CMTM5: variants seen among roughly 807,000 people sequenced by gnomAD.
CMTM5 encodes the protein CKLF-like MARVEL transmembrane domain-containing protein 5.
A neutral mutation model predicts 26.9 loss-of-function variants in CMTM5; 25 were observed. The ratio of observed to expected loss-of-function variants is 0.93; its 90% CI spans 0.68 to 1.30. The LOEUF is 1.30. Ranked by LOEUF, CMTM5 falls within the 50% of genes most tolerant of loss-of-function variation. The pLI is 0.00. For missense variants in CMTM5, 292 were observed against 289.6 expected (o/e 1.01, Z -0.06); for synonymous variants, 98 against 115.5 (o/e 0.85, Z 0.97).
Position 23,377,270 on chromosome 14 carries a change from C to A in CMTM5, c.19C>A (p.Arg7Ser). The part of the protein sequence containing the change: MLSARD[R>S]RDRHPEEGVV... The stretch of plus-strand genomic sequence containing the variant: ...TACGAAGATGCTCAGTGCTCGAGAT[C>A]GCCGGGACCGGCACCCTGAGGAGGG... The change falls in exon 1 of 6, where the codon CGC becomes AGC. Residue 7 changes from arginine to serine, a missense_variant. By Grantham distance (110) the Arg-to-Ser change is moderately radical (BLOSUM62 -1). Coordinates refer to ENST00000339180, the MANE Select transcript of CMTM5 (RefSeq NM_001288746.2). This position sits in a 1 kb window ranked among gnomAD's most constrained non-coding sequence, Gnocchi z 4.6. The A allele has an allele frequency of 6.2e-7, 1 of 1,612,288 alleles. No individual in the cohort carries two copies. Among genetic ancestry groups the A allele is most frequent in the Non-Finnish European group, 8.5e-7 (1 of 1,179,300 alleles).
At chr14:23,376,910 T>G (rs1214044202), upstream of CMTM5, 1 of 283,618 alleles carries the variant, frequency 3.5e-6, no homozygotes. Flanking sequence ...CAGTTTCTTT[T>G]CGGACCTCCT....
In CMTM5 at chr14:23,379,555, T is replaced by G. The variant is rs1435309165; in HGVS notation, c.*68T>G. ...ACAGTGGAGCCCAGACACGTCTCCT[T>G]GGGATTCACTAGCCCCCAGCCCGCC... On this transcript the variant is annotated 3_prime_UTR_variant, in exon 6 of 6. Coordinates refer to ENST00000339180, the MANE Select transcript of CMTM5 (RefSeq NM_001288746.2). The G allele has an allele frequency of 4.4e-6, 7 of 1,606,630 alleles. No individual in the cohort carries two copies. Among genetic ancestry groups the G allele is most frequent in the East Asian group, 2.2e-5 (1 of 44,826 alleles).
rs1595040119 is a variant in CMTM5, at chr14:23,377,690, C to T, written c.126+313C>T. The T allele has an allele frequency of 3.3e-6, 1 of 301,380 alleles. No homozygotes were observed. The highest frequency in any genetic ancestry group is 8.9e-4 in the Middle Eastern group (1 of 1,126). 18.7% of individuals were successfully genotyped at this position (301,380 alleles called of 1,614,324 possible). A position where few individuals can be genotyped will look rare whatever the true frequency, so the allele number is the denominator to read the frequency against. On this transcript the variant is annotated intron_variant, in intron 1 of 5. Coordinates refer to ENST00000339180, the MANE Select transcript of CMTM5 (RefSeq NM_001288746.2). The surrounding 1 kb of genome is among the most constrained non-coding windows in gnomAD (Gnocchi z 4.6). Reference sequence around the variant, plus strand: ...ATGACAGCCTCTAACATGGCCACTTCTCAGCACGTCCAAGAAGTCTAACTA... The same window carrying T: ...ATGACAGCCTCTAACATGGCCACTTTTCAGCACGTCCAAGAAGTCTAACTA...
rs551079196 is a variant in CMTM5, at chr14:23,377,283, AC to A, written c.35del (p.Pro12LeufsTer5). Reference protein sequence around the residue: MLSARDRRDRHPEEGVVAELQ... With the variant: MLSARDRRDRXPEEGVVAELQ... ...AGTGCTCGAGATCGCCGGGACCGGC[AC>A]CCTGAGGAGGGGGTAGTTGCAGAGC... On this transcript the variant is annotated frameshift_variant, in exon 1 of 6. Transcript: ENST00000339180. LOFTEE classifies it high-confidence loss of function. The surrounding 1 kb of genome is among the most constrained non-coding windows in gnomAD (Gnocchi z 4.6). The A allele has an allele frequency of 3.1e-6, 5 of 1,612,366 alleles. No individual in the cohort carries two copies. Among genetic ancestry groups the A allele is most frequent in the Non-Finnish European group, 4.2e-6 (5 of 1,179,296 alleles).
Position 23,378,820 on chromosome 14 carries a change from T to C in CMTM5, c.431T>C (p.Phe144Ser). The change falls in exon 3 of 6, where the codon TTC becomes TCC. Residue 144 changes from phenylalanine to serine, a missense_variant. Physicochemically the swap from Phe to Ser is radical, Grantham distance 155. Transcript: ENST00000339180. This position sits in a 1 kb window ranked among gnomAD's most constrained non-coding sequence, Gnocchi z 4.2. ...VPWVPAPAPG[F>S]WSWLLWFICF... is the part of the protein sequence containing the mutation. ...TGGGTTCCAGCCCCAGCGCCTGGCT[T>C]CTGGTCCTGGTTGCTCTGGTTCATC... The C allele has an allele frequency of 6.2e-7, 1 of 1,612,788 alleles. No homozygotes were observed. The highest frequency in any genetic ancestry group is 8.5e-7 in the Non-Finnish European group (1 of 1,179,828).
Position 23,379,664 on chromosome 14 carries a change from G to A in CMTM5, c.*177G>A, listed in dbSNP as rs1436381517. The A allele has an allele frequency of 2.8e-6, 4 of 1,451,636 alleles. No homozygotes were observed. The highest frequency in any genetic ancestry group is 2.8e-5 in the African/African-American group (2 of 70,824). The allele number at this position is 1,451,636 out of a possible 1,614,324, so 89.9% of individuals were successfully genotyped here. A position where few individuals can be genotyped will look rare whatever the true frequency, so the allele number is the denominator to read the frequency against. ...GTGGAGCCTGGTGCTCCAGGATGTG[G>A]CTTCTCATGAAGCTCTGGCCAGAGG... On this transcript the variant is annotated 3_prime_UTR_variant, in exon 6 of 6. Coordinates refer to ENST00000339180, the MANE Select transcript of CMTM5 (RefSeq NM_001288746.2).
rs1380351085 is a variant in CMTM5, at chr14:23,377,515, C to A, written c.126+138C>A. 4 of 927,352 alleles carry A rather than the reference C, an allele frequency of 4.3e-6. No individual in the cohort carries two copies. The African/African-American group carries it at 5.1e-5, about 12-fold the overall frequency. 57.4% of individuals were successfully genotyped at this position (927,352 alleles called of 1,614,324 possible). ...GACACCTCTCCTGCCCGCAGCTGCC[C>A]CTTCTTCGTCTCCTACTCTGCCTTC... is the stretch of plus-strand genomic sequence containing the variant. On this transcript the variant is annotated intron_variant, in intron 1 of 5. Transcript: ENST00000339180. This position sits in a 1 kb window ranked among gnomAD's most constrained non-coding sequence, Gnocchi z 4.6.
chr14:23,377,399 G>C lies in CMTM5; in HGVS notation c.126+22G>C. 1.9e-6 allele frequency: 3 copies of C among 1,546,816 alleles called. No homozygotes were observed. Among genetic ancestry groups the C allele is most frequent in the Non-Finnish European group, 2.6e-6 (3 of 1,145,254 alleles). On this transcript the variant is annotated intron_variant, in intron 1 of 5. Transcript: ENST00000339180. The surrounding 1 kb of genome is among the most constrained non-coding windows in gnomAD (Gnocchi z 4.6). Reference sequence around the variant, plus strand: ...GCTGGTAACAGCTGCCTCCCAACCTGGTGCCTCCATCTCCCTGACCCCCGG... The same window carrying C: ...GCTGGTAACAGCTGCCTCCCAACCTCGTGCCTCCATCTCCCTGACCCCCGG...
At position 23,378,131 on chromosome 14, in the gene CMTM5, T is replaced by A. The variant is rs947944755; in HGVS notation, c.127-218T>A. ...TGGCCAGACTGCTGGGGTTGCTGGG[T>A]GAGCAGAGTGGGAGGCCGGAGACTG... On this transcript the variant is annotated intron_variant, in intron 1 of 5. Transcript: ENST00000339180. The surrounding 1 kb of genome is among the most constrained non-coding windows in gnomAD (Gnocchi z 4.2). 1 of 594,826 alleles carries A rather than the reference T, an allele frequency of 1.7e-6. No homozygotes were observed. The highest frequency in any genetic ancestry group is 3.0e-6 in the Non-Finnish European group (1 of 337,124). 36.8% of individuals were successfully genotyped at this position (594,826 alleles called of 1,614,324 possible). A position where few individuals can be genotyped will look rare whatever the true frequency, so the allele number is the denominator to read the frequency against.
Position 23,377,255 on chromosome 14 carries a change from C to G in CMTM5, c.4C>G (p.Leu2Val), listed in dbSNP as rs1475452120. Residue 2 changes from leucine to valine, a missense_variant, in exon 1 of 6, where the codon CTC (leucine) becomes GTC (valine). Transcript: ENST00000339180. This position sits in a 1 kb window ranked among gnomAD's most constrained non-coding sequence, Gnocchi z 4.6. The stretch of plus-strand genomic sequence containing the variant: ...TGTGTTGGTGGGCCCTACGAAGATG[C>G]TCAGTGCTCGAGATCGCCGGGACCG... M[L>V]SARDRRDRHP... The G allele has an allele frequency of 6.2e-7, 1 of 1,612,028 alleles. No individual in the cohort carries two copies. Among genetic ancestry groups the G allele is most frequent in the Non-Finnish European group, 8.5e-7 (1 of 1,179,402 alleles).
In CMTM5 at chr14:23,378,444, C is replaced by G. The variant is rs61237612; in HGVS notation, c.222C>G (p.Leu74=). 3.4e-3 allele frequency: 5,516 copies of G among 1,614,154 alleles called. 192 individuals are homozygous for G. The African/African-American group carries it at 0.065, about 19-fold the overall frequency. Residue 74 remains leucine (L), a synonymous_variant, in exon 2 of 6, where the codon CTC becomes CTG. Transcript: ENST00000339180. This position sits in a 1 kb window ranked among gnomAD's most constrained non-coding sequence, Gnocchi z 4.2. ...AGTTCTTCATCACACTTGCCTTCCT[C>G]TTCCTCTATGCCACCCAGTACTACC... ...LLEFFITLAF[L]FLYATQYYQR...
rs367985105 is a variant in CMTM5, at chr14:23,379,482, C to A, written c.667C>A (p.Gln223Lys). The A allele has an allele frequency of 6.2e-7, 1 of 1,613,802 alleles. No individual in the cohort carries two copies. Among genetic ancestry groups the A allele is most frequent in the Non-Finnish European group, 8.5e-7 (1 of 1,180,036 alleles). Reference sequence around the variant, plus strand: ...TGGCTCTATCCTCACAGGGGACCAGCAGTGACTCTGGGGCTACCTGGCTCC... The same window carrying A: ...TGGCTCTATCCTCACAGGGGACCAGAAGTGACTCTGGGGCTACCTGGCTCC... ...MAPGASQGDQ[Q>K] is the part of the protein sequence containing the mutation. Residue 223 changes from glutamine (Q) to lysine (K), a missense_variant, in exon 6 of 6, where the codon CAG becomes AAG. Gln to Lys is a moderately conservative substitution (Grantham distance 53). Transcript: ENST00000339180.
rs1890712585 is a variant in CMTM5, at chr14:23,378,826, C to A, written c.437C>A (p.Ser146Tyr). ...CCAGCCCCAGCGCCTGGCTTCTGGTCCTGGTTGCTCTGGTTCATCTGCTTC... is the reference window on the plus strand; with the variant it reads ...CCAGCCCCAGCGCCTGGCTTCTGGTACTGGTTGCTCTGGTTCATCTGCTTC... ...WVPAPAPGFW[S>Y]WLLWFICFHS... is the part of the protein sequence containing the mutation. Residue 146 changes from serine (S) to tyrosine (Y), a missense_variant, in exon 3 of 6, where the codon TCC becomes TAC. Coordinates refer to ENST00000339180, the MANE Select transcript of CMTM5 (RefSeq NM_001288746.2). This position sits in a 1 kb window ranked among gnomAD's most constrained non-coding sequence, Gnocchi z 4.2. The A allele has an allele frequency of 6.2e-7, 1 of 1,612,702 alleles. No homozygotes were observed. Among genetic ancestry groups the A allele is most frequent in the African/African-American group, 1.3e-5 (1 of 74,906 alleles).
At position 23,377,477 on chromosome 14, in the gene CMTM5, C is replaced by T; in HGVS notation, c.126+100C>T. The T allele has an allele frequency of 1.2e-5, 17 of 1,383,384 alleles. No individual in the cohort carries two copies. Among genetic ancestry groups the T allele is most frequent in the Non-Finnish European group, 1.6e-5 (17 of 1,043,582 alleles). The allele number at this position is 1,383,384 out of a possible 1,614,324, so 85.7% of individuals were successfully genotyped here. On this transcript the variant is annotated intron_variant, in intron 1 of 5. Coordinates refer to ENST00000339180, the MANE Select transcript of CMTM5 (RefSeq NM_001288746.2). The surrounding 1 kb of genome is among the most constrained non-coding windows in gnomAD (Gnocchi z 4.6). Reference sequence around the variant, plus strand: ...AGCTCACCCTTCAGTAGCCTCCTTCCCCAAGCCCTCTGGACACCTCTCCTG... The same window carrying T: ...AGCTCACCCTTCAGTAGCCTCCTTCTCCAAGCCCTCTGGACACCTCTCCTG...
At position 23,378,766 on chromosome 14, in the gene CMTM5, C is replaced by G. The variant is rs749612350; in HGVS notation, c.377C>G (p.Pro126Arg). 1.9e-6 allele frequency: 3 copies of G among 1,612,478 alleles called. No homozygotes were observed. Among genetic ancestry groups the G allele is most frequent in the Non-Finnish European group, 2.5e-6 (3 of 1,179,810 alleles). ...CAGCCCTGGCCTGGCTTGACCCCCC[C>G]GGGCTGGCATACTCCAGCCGCTGTC... ...QPQPWPGLTP[P>R]GWHTPAAVPW... Residue 126 changes from proline (P) to arginine (R), a missense_variant, in exon 3 of 6, where the codon CCG (proline) becomes CGG (arginine). By Grantham distance (103) the Pro-to-Arg change is moderately radical. Transcript: ENST00000339180. The surrounding 1 kb of genome is among the most constrained non-coding windows in gnomAD (Gnocchi z 4.2).
In CMTM5 at chr14:23,379,587, C is replaced by T; in HGVS notation, c.*100C>T. 2 of 1,566,462 alleles carry T rather than the reference C, an allele frequency of 1.3e-6. No individual in the cohort carries two copies. The highest frequency in any genetic ancestry group is 1.7e-6 in the Non-Finnish European group (2 of 1,162,366). On this transcript the variant is annotated 3_prime_UTR_variant, in exon 6 of 6. Transcript: ENST00000339180. ...CACTAGCCCCCAGCCCGCCAAACCC[C>T]ACCCCAGCCCTACACAGCAGTCTGG... is the stretch of plus-strand genomic sequence containing the variant.
In CMTM5 at chr14:23,377,090, C is replaced by T. The variant is rs961268070; in HGVS notation, c.-162C>T. 10 of 946,254 alleles carry T rather than the reference C, an allele frequency of 1.1e-5. No homozygotes were observed. The highest frequency in any genetic ancestry group is 3.3e-5 in the African/African-American group (2 of 60,304). The allele number at this position is 946,254 out of a possible 1,614,324, so 58.6% of individuals were successfully genotyped here. On this transcript the variant is annotated 5_prime_UTR_variant, in exon 1 of 6. Coordinates refer to ENST00000339180, the MANE Select transcript of CMTM5 (RefSeq NM_001288746.2). This position sits in a 1 kb window ranked among gnomAD's most constrained non-coding sequence, Gnocchi z 4.6. Reference sequence around the variant, plus strand: ...GGGCCCATCTGGGCAAGGCCCCCAGCGCCTGCCTTCTCTCCCGGGGCCCTG... The same window carrying T: ...GGGCCCATCTGGGCAAGGCCCCCAGTGCCTGCCTTCTCTCCCGGGGCCCTG...
chr14:23,379,369 C>T lies in CMTM5; in HGVS notation c.644C>T (p.Pro215Leu), dbSNP rs1280092351. 2 of 1,614,164 alleles carry T rather than the reference C, an allele frequency of 1.2e-6. No individual in the cohort carries two copies. Among genetic ancestry groups the T allele is most frequent in the South Asian group, 1.1e-5 (1 of 91,080 alleles). ...AFKIYRTEMAPGASQGDQQ is the reference protein window; with the variant it reads ...AFKIYRTEMALGASQGDQQ ...AAGATCTACCGGACTGAGATGGCAC[C>T]CGGGGCCAGCCAGGGTGAGTGCCTG... Residue 215 changes from proline (P) to leucine (L), a missense_variant, in exon 5 of 6, where the codon CCC (proline) becomes CTC (leucine). Pro to Leu is a moderately conservative substitution (Grantham distance 98). Coordinates refer to ENST00000339180, the MANE Select transcript of CMTM5 (RefSeq NM_001288746.2).
In CMTM5 at chr14:23,379,703, G is replaced by T; in HGVS notation, c.*216G>T. 1.8e-6 allele frequency: 2 copies of T among 1,122,926 alleles called. No individual in the cohort carries two copies. Among genetic ancestry groups the T allele is most frequent in the Non-Finnish European group, 2.4e-6 (2 of 829,244 alleles). 69.6% of individuals were successfully genotyped at this position (1,122,926 alleles called of 1,614,324 possible). The stretch of plus-strand genomic sequence containing the variant: ...TCTGGCCAGAGGAGGGGAACTTATT[G>T]GGGGAGGGGGGGTGGAGGGGAGGAA... On this transcript the variant is annotated 3_prime_UTR_variant, in exon 6 of 6. Coordinates refer to ENST00000339180, the MANE Select transcript of CMTM5 (RefSeq NM_001288746.2).
Sources: gnomAD v4.1 joint callset for allele counts on GRCh38, gnomAD v4.1.1 for gene constraint, Gnocchi (gnomAD v3.1) non-coding constraint, MANE v1.5 for transcripts, NCBI Gene and HGNC (gene_info 2026-07-23, HGNC 2026-07-21) for gene names.